The following MYO18B variants were observed in gnomAD, a reference collection of about 807,000 sequenced individuals.
MYO18B encodes myosin XVIIIB.
Under a neutral mutation model 273.0 loss-of-function variants are expected in MYO18B, and 204 were observed. That is an observed-to-expected ratio of 0.75 (90% CI 0.67 to 0.84). The LOEUF is 0.84. Among genes scored for constraint, MYO18B ranks in the 40% least tolerant of loss-of-function variants. The pLI, the probability that MYO18B is intolerant of heterozygous loss-of-function variation, is 0.00. For synonymous variants in MYO18B, 1,330 were observed against 1,305.7 expected (o/e 1.02, Z -0.40); for missense variants, 3,212 against 3,287.6 (o/e 0.98, Z 0.56).
intron 6 of MYO18B, among the ~76,000 whole-genome samples, chr22:25,771,397 C>T (rs1057124496): frequency 6.6e-6 from 1 of 152,200 alleles, no homozygotes; most frequent in African/African-American, 2.4e-5. Context: ...TGCCATTAAC[C>T]ATAGCATAGG....
At chr22:25,993,000 G>C (rs1193357305) in intron 40 of MYO18B, among the ~76,000 whole-genome samples, 3 of 152,200 alleles carry the variant, frequency 2.0e-5, no homozygotes, top group Admixed American at 2.0e-4. Flanking sequence ...TGTTTGTACA[G>C]AATAATGGAC....
chr22:26,060,839 CA>C, the MYO18B span, among the ~76,000 whole-genome samples: 31,907 of 114,484 alleles, frequency 0.28, 4,043 homozygotes, highest in East Asian at 0.49. Flanking sequence ...TACATATACA[CA>C]ATATACACAT....
At chr22:25,850,910 C>T (rs2090407047) in intron 20 of MYO18B, among the ~76,000 whole-genome samples, 1 of 152,188 alleles carries the variant, frequency 6.6e-6, no homozygotes, top group Non-Finnish European at 1.5e-5. Context: ...TTTCTCCCAA[C>T]AGCTTTTCAG....
intron 42 of MYO18B, among the ~76,000 whole-genome samples, chr22:26,010,098 C>T (rs1934770969): frequency 1.3e-5 from 2 of 152,060 alleles, no homozygotes; most frequent in South Asian, 4.1e-4. Context: ...TATCATTCCC[C>T]TCTCTCATCC....
intron 17 of MYO18B, among the ~76,000 whole-genome samples, chr22:25,836,692 G>A (rs909838573): frequency 6.6e-6 from 1 of 152,124 alleles, no homozygotes; most frequent in Non-Finnish European, 1.5e-5. Flanking sequence ...CGGGCGCAGT[G>A]GCTCACGCCT....
At chr22:26,048,259 A>G in the MYO18B span, among the ~76,000 whole-genome samples, 2 of 152,238 alleles carry the variant, frequency 1.3e-5, no homozygotes. Flanking sequence ...GAAACTCAAA[A>G]TATAATTTTA....
intron 13 of MYO18B, among the ~76,000 whole-genome samples, chr22:25,826,132 G>A (rs2089480993): frequency 1.3e-5 from 2 of 152,216 alleles, no homozygotes; most frequent in African/African-American, 2.4e-5. Context: ...TGGTAGTCAA[G>A]GAAGGCTTTC....
intron 40 of MYO18B, among the ~76,000 whole-genome samples, chr22:25,998,687 C>G (rs1447098537): frequency 1.3e-5 from 2 of 152,174 alleles, no homozygotes; most frequent in African/African-American, 4.8e-5. Context: ...TTCTTGCTAC[C>G]TAGTAGGACA....
At chr22:25,759,647 A>G (rs901491709) in intron 1 of MYO18B, among the ~76,000 whole-genome samples, 28 of 152,254 alleles carry the variant, frequency 1.8e-4, no homozygotes, top group African/African-American at 6.0e-4. Context: ...CTACACATAT[A>G]TCCCAGAACT....
At chr22:25,767,690 C>T (rs748582781) in intron 3 of MYO18B, among the ~76,000 whole-genome samples, 3 of 152,222 alleles carry the variant, frequency 2.0e-5, no homozygotes, top group Non-Finnish European at 4.4e-5. Flanking sequence ...GTAGTAGCAG[C>T]AGCTACTGTT....
intron 33 of MYO18B, among the ~76,000 whole-genome samples, chr22:25,913,504 C>T (rs758198499): frequency 4.6e-5 from 7 of 152,224 alleles, no homozygotes; most frequent in African/African-American, 7.2e-5. Flanking sequence ...GCTGGGACTA[C>T]AGGCGCCCGC....
chr22:26,038,926 G>C, the MYO18B span, among the ~76,000 whole-genome samples: 1 of 152,160 alleles, frequency 6.6e-6, no homozygotes, highest in African/African-American at 2.4e-5. Flanking sequence ...AGGGTATTGA[G>C]AATTTGCATG....
chr22:26,021,083 C>G (rs556220605), intron 42 of MYO18B, among the ~76,000 whole-genome samples: 1 of 152,028 alleles, frequency 6.6e-6, no homozygotes, highest in African/African-American at 2.4e-5. Flanking sequence ...AGCAAGACTC[C>G]GTCTCAAAAA....
chr22:25,998,567 G>A (rs890754643), intron 40 of MYO18B, among the ~76,000 whole-genome samples: 5 of 152,152 alleles, frequency 3.3e-5, no homozygotes, highest in African/African-American at 2.4e-5. Context: ...GGCTGCAGTA[G>A]GACAAGTGGA....
In MYO18B at chr22:25,881,228, A is replaced by G. The variant is rs541828973; in HGVS notation, c.4314+3180A>G. On this transcript the variant is annotated intron_variant, in intron 25 of 43. Coordinates refer to ENST00000335473, the MANE Select transcript of MYO18B (RefSeq NM_032608.7). Reference sequence around the variant, plus strand: ...GTAAGATTGTGTCCATTCTCCCCACATTAAAGTGTCAACCGTGGAGTTGGC... The same window carrying G: ...GTAAGATTGTGTCCATTCTCCCCACGTTAAAGTGTCAACCGTGGAGTTGGC... Among the ~76,000 whole-genome samples the G allele has an allele frequency of 3.6e-4, 55 of 152,358 alleles. No individual in the cohort carries two copies. In the Middle Eastern group the frequency reaches 0.01, roughly 28 times the overall value.
At chr22:25,963,193 C>A (rs1427213931) in intron 39 of MYO18B, among the ~76,000 whole-genome samples, 1 of 151,044 alleles carries the variant, frequency 6.6e-6, no homozygotes, top group East Asian at 1.9e-4. Context: ...CACACACACA[C>A]ACACACACAC....
chr22:26,038,445 G>A, the MYO18B span, among the ~76,000 whole-genome samples: 2 of 152,210 alleles, frequency 1.3e-5, no homozygotes, highest in East Asian at 3.9e-4. Flanking sequence ...GGTTCTCTTG[G>A]TATCATAACT....
intron 11 of MYO18B, among the ~76,000 whole-genome samples, chr22:25,796,888 T>C (rs1303353338): frequency 6.6e-6 from 1 of 152,198 alleles, no homozygotes; most frequent in Non-Finnish European, 1.5e-5. Context: ...CATGCTGGCT[T>C]CTCCAGCTTT....
chr22:25,823,480 C>A (rs377031205), intron 12 of MYO18B, 25 bp from the exon 13 acceptor site: 7 of 1,608,660 alleles, frequency 4.4e-6, no homozygotes, highest in Non-Finnish European at 8.5e-7. Context: ...CTCACTGCCA[C>A]GCCTCTGTTT....
Sources: gnomAD v4.1 joint callset for allele counts (sites outside exome capture counted in the v4.1 genomes callset) on GRCh38, gnomAD v4.1.1 for gene constraint, MANE v1.5 for transcripts, NCBI Gene and HGNC (gene_info 2026-07-23, HGNC 2026-07-21) for gene names.